Variants in NAMPT observed in about 807,000 individuals in gnomAD.
The protein encoded by NAMPT is NAmPRTase.
In NAMPT, 7 loss-of-function variants were observed where a neutral mutation model predicts 58.7. That is an observed-to-expected ratio of 0.12 (90% CI 0.07 to 0.22). The LOEUF (loss-of-function observed/expected upper bound fraction) is 0.22, where lower values mean the gene tolerates loss of function less well. Among genes scored for constraint, NAMPT ranks in the 10% least tolerant of loss-of-function variants. NAMPT has a pLI of 1.00. For synonymous variants in NAMPT, 145 were observed against 198.1 expected (o/e 0.73, Z 2.25); for missense variants, 271 against 567.9 (o/e 0.48, Z 5.31).
intron 7 of NAMPT, among the ~76,000 whole-genome samples, chr7:106,262,014 T>TA (rs1460296126): frequency 2.0e-5 from 3 of 152,012 alleles, no homozygotes; most frequent in Admixed American, 6.6e-5. Flanking sequence ...TCCTTAATAT[T>TA]AAATAAGTAT....
intron 3 of NAMPT, among the ~76,000 whole-genome samples, chr7:106,273,636 T>C (rs922126717): frequency 3.3e-5 from 5 of 152,196 alleles, no homozygotes; most frequent in African/African-American, 1.2e-4. Flanking sequence ...TTTCTGATCA[T>C]ATAATCAAAC....
chr7:106,267,942 T>A (rs1331850329), intron 6 of NAMPT, among the ~76,000 whole-genome samples: 2 of 151,006 alleles, frequency 1.3e-5, no homozygotes, highest in African/African-American at 4.9e-5. Context: ...GATTGTAATT[T>A]CTTTCTTGGG....
chr7:106,268,554 GT>G lies in NAMPT; in HGVS notation c.652del (p.Thr218GlnfsTer4). ...ASAHLVNFKG[T>X]DTVAGLALIK... ...TAGAGCAAGTCCTGCTACTGTATCT[GT>G]TCCTTTGAAGTTAACCAAGTGAGCA... On this transcript the variant is annotated frameshift_variant, in exon 6 of 11. Transcript: ENST00000222553. LOFTEE classifies it high-confidence loss of function. The G allele has an allele frequency of 6.2e-7, 1 of 1,611,626 alleles. No homozygotes were observed. The highest frequency in any genetic ancestry group is 8.5e-7 in the Non-Finnish European group (1 of 1,177,744).
chr7:106,285,289 C>T (rs1437672145), upstream of NAMPT: 6 of 705,198 alleles, frequency 8.5e-6, no homozygotes, highest in Admixed American at 5.9e-5. Context: ...GGCAGCGGGG[C>T]AGCCCCGGCG....
At chr7:106,272,308 AT>A (rs767316096) in intron 4 of NAMPT, 28 of 381,566 alleles carry the variant, frequency 7.3e-5, no homozygotes, top group Non-Finnish European at 1.2e-4. Context: ...ATCACTCTCA[AT>A]AATTTGATTT....
chr7:106,255,382 A>C (rs1320714873), intron 8 of NAMPT, among the ~76,000 whole-genome samples: 3 of 152,170 alleles, frequency 2.0e-5, no homozygotes, highest in Non-Finnish European at 4.4e-5. Flanking sequence ...GGAAAGGCTG[A>C]CTCTGTTTTA....
intron 10 of NAMPT, among the ~76,000 whole-genome samples, chr7:106,252,510 A>G (rs1048020252): frequency 1.3e-5 from 2 of 152,102 alleles, no homozygotes; most frequent in Non-Finnish European, 2.9e-5. Context: ...AGTTCTGTCT[A>G]AAGTTTTTTT....
intron 8 of NAMPT, among the ~76,000 whole-genome samples, chr7:106,255,042 A>AGTC (rs1310419237): frequency 1.3e-5 from 2 of 152,228 alleles, no homozygotes; most frequent in Non-Finnish European, 2.9e-5. Context: ...ATACTGGTAG[A>AGTC]GTCATTTTAT....
intron 1 of NAMPT, among the ~76,000 whole-genome samples, chr7:106,281,749 TAAG>T (rs1792769966): frequency 6.6e-6 from 1 of 152,202 alleles, no homozygotes; most frequent in African/African-American, 2.4e-5. Context: ...AAACATGACT[TAAG>T]GATTTTGGGT....
intron 10 of NAMPT, among the ~76,000 whole-genome samples, chr7:106,251,796 T>C (rs1792108822): frequency 1.3e-5 from 2 of 152,074 alleles, no homozygotes; most frequent in Admixed American, 1.3e-4. Context: ...ACAAAGGTAA[T>C]CCACTTCATC....
chr7:106,285,023 G>A (rs1586032239), upstream of NAMPT: 14 of 1,430,834 alleles, frequency 9.8e-6, no homozygotes, highest in African/African-American at 2.8e-5. Flanking sequence ...GAAACGGAGA[G>A]AGGGGAGGGG....
At chr7:106,262,658 A>G (rs958407129) in intron 7 of NAMPT, among the ~76,000 whole-genome samples, 4 of 151,618 alleles carry the variant, frequency 2.6e-5, no homozygotes, top group Admixed American at 2.0e-4. Context: ...GGCTGCAGCC[A>G]AAAGACCTAC....
intron 1 of NAMPT, among the ~76,000 whole-genome samples, chr7:106,282,600 T>C (rs552966417): frequency 1.5e-4 from 23 of 152,350 alleles, no homozygotes; most frequent in Middle Eastern, 3.4e-3. Flanking sequence ...CAGAAGTGAA[T>C]GTATATACTT....
intron 6 of NAMPT, among the ~76,000 whole-genome samples, chr7:106,267,579 C>T (rs1304700091): frequency 1.3e-5 from 2 of 151,990 alleles, no homozygotes; most frequent in African/African-American, 2.4e-5. Flanking sequence ...CGGTGGCTCA[C>T]GCCTGTAATC....
chr7:106,250,798 A>C lies in NAMPT; in HGVS notation c.*285T>G. 3.1e-6 allele frequency: 1 copy of C among 325,374 alleles called. No homozygotes were observed. Among genetic ancestry groups the C allele is most frequent in the Non-Finnish European group, 5.6e-6 (1 of 178,888 alleles). The allele number at this position is 325,374 out of a possible 1,614,324, so 20.2% of individuals were successfully genotyped here. On this transcript the variant is annotated 3_prime_UTR_variant, in exon 11 of 11. Coordinates refer to ENST00000222553, the MANE Select transcript of NAMPT (RefSeq NM_005746.3). ...TATGTGATCATCAGTTATATATAAA[A>C]GTTTCTCAGTTCTGTTATTTGTGAA...
rs1451633786 is a variant in NAMPT at position 106,251,049 on chromosome 7, T to C, written c.*34A>G. The stretch of plus-strand genomic sequence containing the variant: ...ACATCTGTACAATAAACATTATGTA[T>C]TACATACACACAACACACACCCAGT... On this transcript the variant is annotated 3_prime_UTR_variant, in exon 11 of 11. Transcript: ENST00000222553. The C allele has an allele frequency of 2.1e-6, 3 of 1,405,746 alleles. No individual in the cohort carries two copies. Among genetic ancestry groups the C allele is most frequent in the Admixed American group, 3.4e-5 (2 of 59,510 alleles). The allele number at this position is 1,405,746 out of a possible 1,614,324, so 87.1% of individuals were successfully genotyped here.
chr7:106,257,642 G>A (rs956757524), intron 8 of NAMPT, among the ~76,000 whole-genome samples: 3 of 148,974 alleles, frequency 2.0e-5, no homozygotes, highest in East Asian at 2.0e-4. Flanking sequence ...AAAAAAAATC[G>A]CACATACATT....
chr7:106,284,738 A>ACCCCCCC, intron 1 of NAMPT, 90 bp downstream of exon 1: 1 of 486,000 alleles, frequency 2.1e-6, no homozygotes, highest in Non-Finnish European at 2.9e-6. Flanking sequence ...CCCAGCCCCA[A>ACCCCCCC]CCCCAGCCCC....
Position 106,249,136 on chromosome 7 carries a change from G to A in NAMPT, c.*1947C>T, listed in dbSNP as rs188225099. 5.9e-5 allele frequency: 9 copies of A among 151,300 alleles called. No individual in the cohort carries two copies. Among genetic ancestry groups the A allele is most frequent in the Admixed American group, 5.3e-4 (8 of 15,082 alleles). The allele number at this position is 151,300 out of a possible 1,614,324, so 9.4% of individuals were successfully genotyped here. A position where few individuals can be genotyped will look rare whatever the true frequency, so the allele number is the denominator to read the frequency against. On this transcript the variant is annotated 3_prime_UTR_variant, in exon 11 of 11. Coordinates refer to ENST00000222553, the MANE Select transcript of NAMPT (RefSeq NM_005746.3). ...CCCTTAGCACATTTTGTGAAGAAAT[G>A]TGTGTTTTTCTTAATACTACTCATC...
Sources: allele counts gnomAD v4.1 joint callset (sites outside exome capture counted in the v4.1 genomes callset), GRCh38; gene constraint gnomAD v4.1.1; transcripts MANE v1.5; gene names NCBI Gene and HGNC (gene_info 2026-07-23, HGNC 2026-07-21).